Variants in TRIM66 observed in about 807,000 individuals in gnomAD.
TRIM66 encodes tripartite motif containing 66, also known as tripartite motif-containing protein 66.
Under a neutral mutation model 148.2 loss-of-function variants are expected in TRIM66, and 99 were observed. The ratio of observed to expected loss-of-function variants is 0.67; its 90% CI spans 0.57 to 0.79. The LOEUF (loss-of-function observed/expected upper bound fraction) is 0.79. Among genes scored for constraint, TRIM66 ranks in the 30% least tolerant of loss-of-function variants. The pLI is 0.00. For synonymous variants in TRIM66, 616 were observed against 635.9 expected (o/e 0.97, Z 0.47); for missense variants, 1,666 against 1,697.9 (o/e 0.98, Z 0.33).
rs1223501611 is a variant in TRIM66 at position 8,640,458 on chromosome 11, C to T, written c.1917G>A (p.Glu639=). 1.3e-6 allele frequency: 2 copies of T among 1,548,106 alleles called. No individual in the cohort carries two copies. ...PSQHLASSQH[E]SPPGPACSQN... ...GAGAACAGGCAGGGCCAGGAGGGCTCTCGTGCTGACTAGAAGCCAGATGCT... is the reference window on the plus strand; with the variant it reads ...GAGAACAGGCAGGGCCAGGAGGGCTTTCGTGCTGACTAGAAGCCAGATGCT... The change falls in exon 14 of 25, where the codon GAG becomes GAA. Residue 639 remains glutamate, a synonymous_variant. Transcript: ENST00000646038.
intron 9 of TRIM66, 136 bp downstream of exon 9, chr11:8,648,280 A>C (rs1378232885): frequency 2.2e-6 from 3 of 1,383,888 alleles, no homozygotes; most frequent in Non-Finnish European, 2.9e-6. Context: ...ACAGGAGCAG[A>C]GAAAAACTTC....
chr11:8,634,125 C>T (rs1270459359), intron 15 of TRIM66, among the ~76,000 whole-genome samples: 1 of 152,152 alleles, frequency 6.6e-6, no homozygotes, highest in African/African-American at 2.4e-5. Context: ...TGAACTGGGA[C>T]CCGGATAGGG....
rs761376422 is a variant in TRIM66, at chr11:8,619,420, A to C, written c.3863T>G (p.Val1288Gly). 1.9e-5 allele frequency: 29 copies of C among 1,534,794 alleles called. No homozygotes were observed. The highest frequency in any genetic ancestry group is 3.5e-6 in the Non-Finnish European group (4 of 1,141,998). ...AGCACAGTTCCAGAACATGAGGCGC[A>C]CATCTGATACCACCTCCTCTGGGGT... ...YTTPEEVVSDVRLMFWNCAKF... is the reference protein window; with the variant it reads ...YTTPEEVVSDGRLMFWNCAKF... The change falls in exon 23 of 25, where the codon GTG becomes GGG. Residue 1288 changes from valine (V) to glycine (G), a missense_variant. By Grantham distance (109) the Val-to-Gly change is moderately radical. Transcript: ENST00000646038.
At chr11:8,638,463 G>A (rs2036082455) in intron 15 of TRIM66, among the ~76,000 whole-genome samples, 191 bp downstream of exon 15, 1 of 152,202 alleles carries the variant, frequency 6.6e-6, no homozygotes, top group South Asian at 2.1e-4. Context: ...GTGCGTGGGG[G>A]AGTGGAAATG....
intron 15 of TRIM66, among the ~76,000 whole-genome samples, chr11:8,631,834 A>G (rs1216047458): frequency 6.6e-6 from 1 of 152,212 alleles, no homozygotes; most frequent in Non-Finnish European, 1.5e-5. Context: ...ATAATGCATG[A>G]GTTTTGTGAT....
In TRIM66 at chr11:8,674,819, C is replaced by T. The variant is rs1210611906; in HGVS notation, c.-125G>A. The T allele has an allele frequency of 6.6e-6, 1 of 152,214 alleles. No individual in the cohort carries two copies. The highest frequency in any genetic ancestry group is 1.5e-5 in the Non-Finnish European group (1 of 68,042). The allele number at this position is 152,214 out of a possible 1,614,324, so 9.4% of individuals were successfully genotyped here. A position where few individuals can be genotyped will look rare whatever the true frequency, so the allele number is the denominator to read the frequency against. ...GGACTCCCATACCTGTTTCTGCAGT[C>T]AATCTGTTATATGTTGTTTTGTTCA... On this transcript the variant is annotated 5_prime_UTR_variant, in exon 4 of 25. Coordinates refer to ENST00000646038, the MANE Select transcript of TRIM66 (RefSeq NM_001388022.1).
upstream of TRIM66, chr11:8,682,931 G>A (rs1430293019): frequency 2.2e-6 from 3 of 1,370,160 alleles, no homozygotes. Context: ...GGCTGCGCAT[G>A]GCCGCCTGCG....
At chr11:8,676,010 G>A (rs949027260) in intron 3 of TRIM66, among the ~76,000 whole-genome samples, 13 of 152,154 alleles carry the variant, frequency 8.5e-5, no homozygotes, top group South Asian at 4.1e-4. Flanking sequence ...GATTACAGGC[G>A]TGAGCCACCA....
Position 8,621,088 on chromosome 11 carries a change from G to T in TRIM66, c.3489C>A (p.Arg1163=), listed in dbSNP as rs1487863330. The T allele has an allele frequency of 6.4e-7, 1 of 1,551,732 alleles. No individual in the cohort carries two copies. Among genetic ancestry groups the T allele is most frequent in the Non-Finnish European group, 8.7e-7 (1 of 1,146,992 alleles). ...LNGGELLCCD[R]CPKVFHLSCH... is the part of the protein sequence containing the mutation. ...AGGAGAGGTGGAACACTTTGGGGCA[G>T]CGGTCACAGCACAGTAACTCTCCGC... Residue 1163 remains arginine, a synonymous_variant, in exon 20 of 25, where the codon CGC becomes CGA. Coordinates refer to ENST00000646038, the MANE Select transcript of TRIM66 (RefSeq NM_001388022.1).
chr11:8,673,857 A>G (rs893828355), intron 4 of TRIM66, among the ~76,000 whole-genome samples: 4 of 152,238 alleles, frequency 2.6e-5, no homozygotes, highest in African/African-American at 9.6e-5. Context: ...CTTGGTAATT[A>G]TGCAAGTTTG....
chr11:8,619,338 G>T, intron 23 of TRIM66, 45 bp downstream of exon 23: 1 of 1,459,840 alleles, frequency 6.9e-7, no homozygotes, highest in Non-Finnish European at 9.1e-7. Context: ...TGACAGTCCT[G>T]GGGATGCAGG....
chr11:8,651,003 A>T (rs2037308932), intron 7 of TRIM66, among the ~76,000 whole-genome samples: 1 of 152,208 alleles, frequency 6.6e-6, no homozygotes, highest in Non-Finnish European at 1.5e-5. Flanking sequence ...CTCCTAGTCC[A>T]AATGTTCATT....
chr11:8,683,175 C>T, upstream of TRIM66: 1 of 1,612,542 alleles, frequency 6.2e-7, no homozygotes, highest in Non-Finnish European at 8.5e-7. Flanking sequence ...ATTCCTTAGG[C>T]CTTACCACCA....
At chr11:8,628,284 T>C (rs2035042858) in intron 15 of TRIM66, among the ~76,000 whole-genome samples, 1 of 152,182 alleles carries the variant, frequency 6.6e-6, no homozygotes, top group Admixed American at 6.5e-5. Context: ...ATTTCATCAC[T>C]AAGTAGATTT....
chr11:8,627,873 G>A (rs2035005244), intron 15 of TRIM66, among the ~76,000 whole-genome samples: 1 of 152,214 alleles, frequency 6.6e-6, no homozygotes, highest in South Asian at 2.1e-4. Context: ...CACCCTGGCT[G>A]GAATGCAGTG....
intron 6 of TRIM66, chr11:8,663,186 T>C (rs537468368): frequency 3.3e-5 from 5 of 152,386 alleles, no homozygotes; most frequent in African/African-American, 1.2e-4. Flanking sequence ...GTCTCCTCAG[T>C]ACCTGAGAGG....
At position 8,621,043 on chromosome 11, in the gene TRIM66, G is replaced by A. The variant is rs2034161333; in HGVS notation, c.3534C>T (p.Leu1178=). The A allele has an allele frequency of 1.9e-6, 3 of 1,551,544 alleles. No homozygotes were observed. The highest frequency in any genetic ancestry group is 2.6e-6 in the Non-Finnish European group (3 of 1,146,890). ...CTGGCATGACTCACCCTGGGAAGCT[G>A]AGCAAGGCTGGCACATGGCAGGAGA... is the stretch of plus-strand genomic sequence containing the variant. ...FHLSCHVPAL[L]SFPGGEWVCT... Residue 1178 remains leucine (L), a synonymous_variant, in exon 20 of 25, where the codon CTC becomes CTT. Transcript: ENST00000646038.
intron 15 of TRIM66, among the ~76,000 whole-genome samples, chr11:8,625,463 T>TTGTGTGTGTGTGTG (rs147088164): frequency 0.015 from 2,292 of 148,178 alleles, 33 homozygotes; most frequent in African/African-American, 0.032. Context: ...CGGAGAACTA[T>TTGTGTGTGTGTGTG]TGTGTGTGTG....
chr11:8,656,762 T>C (rs1185370506), intron 6 of TRIM66, among the ~76,000 whole-genome samples: 1 of 152,202 alleles, frequency 6.6e-6, no homozygotes, highest in Non-Finnish European at 1.5e-5. Flanking sequence ...AGCTGTCTCC[T>C]GTATCATGCA....
Sources: gnomAD v4.1 joint callset for allele counts (sites outside exome capture counted in the v4.1 genomes callset) on GRCh38, gnomAD v4.1.1 for gene constraint, MANE v1.5 for transcripts, NCBI Gene and HGNC (gene_info 2026-07-23, HGNC 2026-07-21) for gene names.